RALYL: variants seen among roughly 807,000 people sequenced by gnomAD.
RALYL encodes the protein RALY RNA binding protein like, also known as RNA-binding Raly-like protein.
A neutral mutation model predicts 35.1 loss-of-function variants in RALYL; 29 were observed. The ratio of observed to expected loss-of-function variants is 0.83; its 90% CI spans 0.61 to 1.13. The LOEUF is 1.13. RALYL is among the 50% of genes most tolerant of loss of function. RALYL has a pLI of 0.00. For missense variants in RALYL, 359 were observed against 360.4 expected (o/e 1.00, Z 0.03); for synonymous variants, 120 against 127.6 (o/e 0.94, Z 0.40).
chr8:84,798,489 A>C (rs1822456874), intron 3 of RALYL, among the ~76,000 whole-genome samples: 1 of 152,214 alleles, frequency 6.6e-6, no homozygotes, highest in Non-Finnish European at 1.5e-5. Flanking sequence ...CAAATGAAAT[A>C]ATTGAGGCAC....
intron 2 of RALYL, among the ~76,000 whole-genome samples, chr8:84,762,046 A>C (rs1290058997): frequency 1.3e-5 from 2 of 152,008 alleles, no homozygotes; most frequent in African/African-American, 4.8e-5. Flanking sequence ...TGCTACAGGG[A>C]AGGGCAACAA....
intron 1 of RALYL, among the ~76,000 whole-genome samples, chr8:84,264,059 G>C (rs781667483): frequency 6.6e-6 from 1 of 152,152 alleles, no homozygotes; most frequent in Non-Finnish European, 1.5e-5. Context: ...ATTGTGAATA[G>C]TGCTGCAGTG....
chr8:84,454,271 A>C (rs1300921410), intron 1 of RALYL, among the ~76,000 whole-genome samples: 1 of 151,870 alleles, frequency 6.6e-6, no homozygotes, highest in East Asian at 1.9e-4. Context: ...GACTAGCATC[A>C]GGTAGAAAAA....
intron 1 of RALYL, among the ~76,000 whole-genome samples, chr8:84,255,024 G>C (rs2131728283): frequency 6.6e-6 from 1 of 152,102 alleles, no homozygotes; most frequent in South Asian, 2.1e-4. Flanking sequence ...GCATTATGGG[G>C]ATTATGGGGT....
At chr8:84,406,770 C>T (rs570230619) in intron 1 of RALYL, among the ~76,000 whole-genome samples, 1 of 152,020 alleles carries the variant, frequency 6.6e-6, no homozygotes, top group East Asian at 2.0e-4. Flanking sequence ...CATTAAGGAA[C>T]CTCATGCATT....
intron 1 of RALYL, among the ~76,000 whole-genome samples, chr8:84,393,703 G>A (rs1333036417): frequency 2.6e-5 from 4 of 152,020 alleles, no homozygotes; most frequent in African/African-American, 9.7e-5. Flanking sequence ...AAGAGTGGTG[G>A]CTTTATAATC....
intron 1 of RALYL, among the ~76,000 whole-genome samples, chr8:84,449,224 G>T (rs1417899910): frequency 6.6e-6 from 1 of 151,386 alleles, no homozygotes; most frequent in African/African-American, 2.4e-5. Context: ...TTAGTTAATT[G>T]CTATTTTAAT....
At chr8:84,246,302 G>A (rs1299317044) in intron 1 of RALYL, among the ~76,000 whole-genome samples, 1 of 152,040 alleles carries the variant, frequency 6.6e-6, no homozygotes, top group East Asian at 1.9e-4. Context: ...CAGACCTAAG[G>A]CTATAGTAGT....
intron 2 of RALYL, among the ~76,000 whole-genome samples, chr8:84,663,877 A>G (rs903591423): frequency 2.6e-5 from 4 of 152,094 alleles, no homozygotes; most frequent in African/African-American, 4.8e-5. Context: ...CATCTTCATC[A>G]TGAAATCTTT....
At chr8:84,539,319 A>C (rs947450656) in intron 2 of RALYL, among the ~76,000 whole-genome samples, 1 of 152,186 alleles carries the variant, frequency 6.6e-6, no homozygotes, top group African/African-American at 2.4e-5. Flanking sequence ...AGTGATGTAA[A>C]AACCTAAAAG....
intron 4 of RALYL, among the ~76,000 whole-genome samples, chr8:84,844,314 G>A (rs1834109371): frequency 6.6e-6 from 1 of 152,172 alleles, no homozygotes; most frequent in Non-Finnish European, 1.5e-5. Context: ...CAAAGGACCT[G>A]AACAGACACT....
intron 1 of RALYL, among the ~76,000 whole-genome samples, chr8:84,491,452 T>C (rs1459746123): frequency 7.9e-5 from 12 of 152,056 alleles, no homozygotes; most frequent in Admixed American, 7.2e-4. Context: ...AATGTTTGTT[T>C]ATTTCCATGA....
chr8:84,706,195 C>T, intron 2 of RALYL: 2 of 804,858 alleles, frequency 2.5e-6, no homozygotes, highest in Non-Finnish European at 1.9e-6. Context: ...CTCACCCTAA[C>T]CTTTATCTTT....
chr8:84,921,551 A>T lies in RALYL; in HGVS notation c.*640A>T, dbSNP rs1587263642. The T allele has an allele frequency of 6.6e-6, 1 of 152,182 alleles. No homozygotes were observed. 9.4% of individuals were successfully genotyped at this position (152,182 alleles called of 1,614,324 possible). A position where few individuals can be genotyped will look rare whatever the true frequency, so the allele number is the denominator to read the frequency against. On this transcript the variant is annotated 3_prime_UTR_variant, in exon 9 of 9. Transcript: ENST00000521268. ...AGTTGAGCATGCTCCGCTCTACTGA[A>T]CTAAATGATCCAATTATTACTTCAG...
chr8:84,199,121 A>G lies in RALYL; in HGVS notation c.-24+14697A>G, dbSNP rs371650323. Among the ~76,000 whole-genome samples the G allele has an allele frequency of 1.1e-4, 16 of 152,238 alleles. No individual in the cohort carries two copies. In the East Asian group the frequency reaches 1.5e-3, roughly 15 times the overall value. On this transcript the variant is annotated intron_variant, in intron 1 of 8. Coordinates refer to ENST00000521268, the MANE Select transcript of RALYL (RefSeq NM_173848.7). Reference sequence around the variant, plus strand: ...ATTTACATTCCCACCAACAGTATACAAGGGTTCCCTTTTCTCCATATCCTC... The same window carrying G: ...ATTTACATTCCCACCAACAGTATACGAGGGTTCCCTTTTCTCCATATCCTC...
chr8:84,862,049 CCTTACA>C (rs1451682704), intron 5 of RALYL, among the ~76,000 whole-genome samples: 2 of 152,156 alleles, frequency 1.3e-5, no homozygotes, highest in African/African-American at 4.8e-5. Context: ...TCCTTTCATA[CCTTACA>C]AATGAGTTCC....
chr8:84,781,143 G>GT (rs1376067379), intron 3 of RALYL, among the ~76,000 whole-genome samples: 1 of 152,168 alleles, frequency 6.6e-6, no homozygotes, highest in African/African-American at 2.4e-5. Flanking sequence ...GATTACAGGT[G>GT]TGAGCCACTG....
At chr8:84,602,270 T>G (rs1208468392) in intron 2 of RALYL, among the ~76,000 whole-genome samples, 4 of 152,192 alleles carry the variant, frequency 2.6e-5, no homozygotes, top group African/African-American at 9.6e-5. Context: ...TTTTCTAATC[T>G]ATTCACTTGC....
At chr8:84,701,634 G>A (rs1322286456) in intron 2 of RALYL, among the ~76,000 whole-genome samples, 1 of 152,124 alleles carries the variant, frequency 6.6e-6, no homozygotes, top group Non-Finnish European at 1.5e-5. Context: ...AAAGGATGAG[G>A]GCTGGAGGAT....
Sources: gnomAD v4.1 joint callset for allele counts (sites outside exome capture counted in the v4.1 genomes callset) on GRCh38, gnomAD v4.1.1 for gene constraint, MANE v1.5 for transcripts, NCBI Gene and HGNC (gene_info 2026-07-23, HGNC 2026-07-21) for gene names.